Variants in ANKDD1A observed in about 807,000 individuals in gnomAD.
ANKDD1A encodes ankyrin repeat and death domain-containing protein 1A.
A neutral mutation model predicts 63.5 loss-of-function variants in ANKDD1A; 59 were observed. The ratio of observed to expected loss-of-function variants is 0.93; its 90% confidence interval spans 0.75 to 1.15. The LOEUF is 1.15. ANKDD1A is among the 50% of genes most tolerant of loss of function. The probability of loss-of-function intolerance (pLI) is 0.00; values close to 1 mark genes in which losing one functional copy is unlikely to be tolerated. For missense variants in ANKDD1A, 632 were observed against 656.4 expected (o/e 0.96, Z 0.41); for synonymous variants, 266 against 263.9 (o/e 1.01, Z -0.08).
chr15:64,938,704 C>A (rs1010198325), intron 9 of ANKDD1A, among the ~76,000 whole-genome samples: 4 of 152,166 alleles, frequency 2.6e-5, no homozygotes, highest in African/African-American at 7.2e-5. Flanking sequence ...GTAATCCCAG[C>A]ACTTTGGGAG....
chr15:64,949,792 G>A (rs759831375), intron 13 of ANKDD1A, 49 bp from the exon 14 acceptor site: 4 of 1,589,562 alleles, frequency 2.5e-6, no homozygotes, highest in African/African-American at 2.7e-5. Context: ...TGGTCAAGTG[G>A]CCCCATTGGC....
intron 4 of ANKDD1A, among the ~76,000 whole-genome samples, chr15:64,925,205 G>A (rs963781491): frequency 5.1e-5 from 7 of 137,416 alleles, no homozygotes; most frequent in Non-Finnish European, 1.1e-4. Flanking sequence ...TCTAGCCTGG[G>A]AGACAGAGTG....
At chr15:64,937,071 T>C (rs2085139541) in intron 9 of ANKDD1A, among the ~76,000 whole-genome samples, 1 of 152,000 alleles carries the variant, frequency 6.6e-6, no homozygotes, top group African/African-American at 2.4e-5. Flanking sequence ...TGTAGGGAAA[T>C]AGGCACCTTC....
In ANKDD1A at chr15:64,942,451, G is replaced by A. The variant is rs772027061; in HGVS notation, c.868-16G>A. On this transcript the variant is annotated splice_polypyrimidine_tract_variant and intron_variant, in intron 9 of 14. Transcript: ENST00000319580. ...GGGAGGGACTGGTCGATTGATCCGTGTATCTCCTCCCACAGCAGGGTGCCT... is the reference window on the plus strand; with the variant it reads ...GGGAGGGACTGGTCGATTGATCCGTATATCTCCTCCCACAGCAGGGTGCCT... 3 of 1,598,830 alleles carry A rather than the reference G, an allele frequency of 1.9e-6. No individual in the cohort carries two copies. Among genetic ancestry groups the A allele is most frequent in the East Asian group, 4.5e-5 (2 of 44,290 alleles).
At chr15:64,927,577 G>A (rs1192732565) in intron 6 of ANKDD1A, among the ~76,000 whole-genome samples, 1 of 151,750 alleles carries the variant, frequency 6.6e-6, no homozygotes, top group Non-Finnish European at 1.5e-5. Context: ...TGAATCATTA[G>A]GCAAAATATG....
intron 3 of ANKDD1A, among the ~76,000 whole-genome samples, chr15:64,921,058 C>T (rs935100331): frequency 6.6e-6 from 1 of 151,466 alleles, no homozygotes; most frequent in East Asian, 2.0e-4. Flanking sequence ...GTAGCCTCTA[C>T]CTCCTGGGCT....
intron 4 of ANKDD1A, among the ~76,000 whole-genome samples, chr15:64,923,753 C>G (rs2085025119): frequency 6.6e-6 from 1 of 152,230 alleles, no homozygotes; most frequent in African/African-American, 2.4e-5. Context: ...GCTCAGGGTT[C>G]TGCTGTCTGG....
intron 14 of ANKDD1A, among the ~76,000 whole-genome samples, chr15:64,952,648 T>TCTTTCTTCATCCTTCTCCTC (rs587634921): frequency 7.1e-6 from 1 of 141,768 alleles, no homozygotes; most frequent in Admixed American, 7.3e-5. Flanking sequence ...TTCTTCTCCT[T>TCTTTCTTCATCCTTCTCCTC]CTCCTTCTTC....
chr15:64,949,810 C>T, intron 13 of ANKDD1A, 31 bp from the exon 14 acceptor site: 1 of 1,595,090 alleles, frequency 6.3e-7, no homozygotes. Context: ...GGCTCCTTCT[C>T]CCTCTCTCTC....
intron 13 of ANKDD1A, among the ~76,000 whole-genome samples, chr15:64,948,824 T>C (rs1389796736): frequency 6.6e-6 from 1 of 151,448 alleles, no homozygotes; most frequent in Non-Finnish European, 1.5e-5. Flanking sequence ...AGACTCTGTC[T>C]CCCAAAGGAA....
intron 3 of ANKDD1A, among the ~76,000 whole-genome samples, chr15:64,918,099 C>A (rs993971169): frequency 6.6e-6 from 1 of 152,244 alleles, no homozygotes. Flanking sequence ...CGCGATGGCT[C>A]ATGCCTGTAA....
chr15:64,949,566 A>G (rs1014612612), intron 13 of ANKDD1A, among the ~76,000 whole-genome samples: 1 of 152,220 alleles, frequency 6.6e-6, no homozygotes, highest in Non-Finnish European at 1.5e-5. Context: ...AACAGAGTGC[A>G]TAGTGGGTGT....
At chr15:64,918,443 C>T (rs1208850903) in intron 3 of ANKDD1A, among the ~76,000 whole-genome samples, 1 of 152,136 alleles carries the variant, frequency 6.6e-6, no homozygotes. Context: ...CTGTCTCCTC[C>T]CTGTACCTGC....
chr15:64,953,889 CCTCTTTT>C lies in ANKDD1A; in HGVS notation c.1484-3211_1484-3205del, dbSNP rs2140391921. Among the ~76,000 whole-genome samples, 4 of 115,122 alleles carry C rather than the reference CCTCTTTT, an allele frequency of 3.5e-5. 1 individual carries two copies. Among genetic ancestry groups the C allele is most frequent in the South Asian group, 6.1e-4 (2 of 3,304 alleles). 75.5% of individuals were successfully genotyped at this position (115,122 alleles called of 152,430 possible). ...TCTTTCTTCTTCATTCTTTCTTCTT[CCTCTTTT>C]CTTTCTTCCCTCTTCTTTCTTCTCT... On this transcript the variant is annotated intron_variant, in intron 14 of 14. Coordinates refer to ENST00000319580, the MANE Select transcript of ANKDD1A (RefSeq NM_182703.6).
chr15:64,953,655 T>TCTTCTTCCTCTTCCTTCTC (rs1555397883), intron 14 of ANKDD1A, among the ~76,000 whole-genome samples: 4 of 35,616 alleles, frequency 1.1e-4, no homozygotes, highest in Admixed American at 7.2e-4. Flanking sequence ...TCCTTCTCCT[T>TCTTCTTCCTCTTCCTTCTC]CTTTTCTTTC....
intron 3 of ANKDD1A, among the ~76,000 whole-genome samples, chr15:64,918,633 G>A (rs1372057220): frequency 5.9e-5 from 9 of 152,126 alleles, no homozygotes; most frequent in Non-Finnish European, 1.3e-4. Flanking sequence ...CTACGAGGGA[G>A]AACAGTAAGA....
chr15:64,947,487 G>A lies in ANKDD1A; in HGVS notation c.1245G>A (p.Leu415=), dbSNP rs575115677. 90 of 1,613,696 alleles carry A rather than the reference G, an allele frequency of 5.6e-5. No individual in the cohort carries two copies. The highest frequency in any genetic ancestry group is 4.9e-4 in the Middle Eastern group (3 of 6,080). ...AAACACAGCAGCTCCGTTCTGTGCT[G>A]TGGCGGCTGGCCTCCAGGTATCTGC... ...RQETQQLRSV[L]WRLASRYLQP... is the part of the protein sequence containing the mutation. The change falls in exon 13 of 15, where the codon CTG becomes CTA. Residue 415 remains leucine (L), a synonymous_variant. Coordinates refer to ENST00000319580, the MANE Select transcript of ANKDD1A (RefSeq NM_182703.6).
At position 64,915,875 on chromosome 15, in the gene ANKDD1A, G is replaced by A. The variant is rs761635213; in HGVS notation, c.113G>A (p.Arg38Lys). The change falls in exon 2 of 15, where the codon AGG becomes AAG. Residue 38 changes from arginine to lysine, a missense_variant. Arg to Lys is a conservative substitution (Grantham distance 26). Transcript: ENST00000319580. ...VGRMQELIGRRVNTRARNHVG... is the reference protein window; with the variant it reads ...VGRMQELIGRKVNTRARNHVG... ...AGGATGCAGGAGCTGATTGGGAGGA[G>A]GGTTAACACCAGGGCCAGAAACCAC... 1.2e-6 allele frequency: 2 copies of A among 1,613,936 alleles called. No homozygotes were observed. The highest frequency in any genetic ancestry group is 1.1e-5 in the South Asian group (1 of 91,032).
chr15:64,951,696 C>CTTTTCTTTTTCTTCT (rs1595858551), intron 14 of ANKDD1A, among the ~76,000 whole-genome samples: 1 of 16,070 alleles, frequency 6.2e-5, no homozygotes, highest in African/African-American at 1.2e-4. Context: ...TCTTCCTCTT[C>CTTTTCTTTTTCTTCT]TTCTTCCTTA....
Sources: gnomAD v4.1 joint callset for allele counts (sites outside exome capture counted in the v4.1 genomes callset) on GRCh38, gnomAD v4.1.1 for gene constraint, MANE v1.5 for transcripts, NCBI Gene and HGNC (gene_info 2026-07-23, HGNC 2026-07-21) for gene names.